The following SLC14A2 variants were observed in gnomAD, a reference collection of about 807,000 sequenced individuals.
The protein encoded by SLC14A2 is urea transporter 2.
In SLC14A2, 91 loss-of-function variants were observed where a neutral mutation model predicts 104.6. The observed-to-expected ratio is 0.87, with a 90% CI of 0.73 to 1.04. The LOEUF is 1.04. Ranked by LOEUF, SLC14A2 falls within the 50% of genes least tolerant of loss-of-function variation. The pLI is 0.00. For synonymous variants in SLC14A2, 476 were observed against 466.4 expected, an observed-to-expected ratio of 1.02 and a Z score of -0.27; for missense variants, 1,189 against 1,156.0, an observed-to-expected ratio of 1.03 and a Z score of -0.41.
chr18:45,584,098 T>A (rs564232238), intron 2 of SLC14A2, among the ~76,000 whole-genome samples: 2 of 152,364 alleles, frequency 1.3e-5, no homozygotes, highest in African/African-American at 4.8e-5. Flanking sequence ...AACTTGAACT[T>A]GCTGTATTTG....
chr18:45,261,337 A>AT (rs757616677), intron 1 of SLC14A2, among the ~76,000 whole-genome samples: 17 of 151,928 alleles, frequency 1.1e-4, no homozygotes, highest in Non-Finnish European at 1.9e-4. Flanking sequence ...TACAAAGGAC[A>AT]TGAACTCATT....
intron 1 of SLC14A2, among the ~76,000 whole-genome samples, chr18:45,355,179 GGA>G (rs1232638925): frequency 6.6e-6 from 1 of 152,098 alleles, no homozygotes; most frequent in African/African-American, 2.4e-5. Flanking sequence ...CCTTTCGCAA[GGA>G]GACAATGTAT....
At chr18:45,552,453 C>T (rs1003033769) in intron 2 of SLC14A2, among the ~76,000 whole-genome samples, 7 of 151,902 alleles carry the variant, frequency 4.6e-5, no homozygotes, top group African/African-American at 1.5e-4. Flanking sequence ...CCCGTGTCCT[C>T]AAGCTGGGAC....
chr18:45,673,133 T>A, intron 17 of SLC14A2, 86 bp downstream of exon 17: 2 of 1,282,008 alleles, frequency 1.6e-6, no homozygotes, highest in Non-Finnish European at 2.2e-6. Context: ...TCTTCAACAC[T>A]CCACCTGCTG....
upstream of SLC14A2, among the ~76,000 whole-genome samples, chr18:45,610,583 G>A (rs2044956898): frequency 6.6e-6 from 1 of 152,174 alleles, no homozygotes. Context: ...GGAAGGGGAA[G>A]GCATTCTAGA....
intron 1 of SLC14A2, among the ~76,000 whole-genome samples, chr18:45,292,912 C>T (rs974555921): frequency 2.6e-5 from 4 of 151,906 alleles, no homozygotes; most frequent in Non-Finnish European, 5.9e-5. Context: ...CCTTAATGAT[C>T]TTCAAGATGA....
intron 1 of SLC14A2, among the ~76,000 whole-genome samples, chr18:45,246,422 A>C (rs2144063465): frequency 6.6e-6 from 1 of 152,330 alleles, no homozygotes; most frequent in Non-Finnish European, 1.5e-5. Flanking sequence ...AGGTAATAAA[A>C]AACTTACAAT....
intron 1 of SLC14A2, among the ~76,000 whole-genome samples, chr18:45,343,597 C>T (rs540042730): frequency 6.6e-6 from 1 of 152,200 alleles, no homozygotes; most frequent in South Asian, 2.1e-4. Flanking sequence ...CCCAGTTTCT[C>T]AATTTTCATG....
intron 1 of SLC14A2, chr18:45,447,494 A>G (rs1248188504): frequency 6.6e-6 from 1 of 152,246 alleles, no homozygotes; most frequent in African/African-American, 2.4e-5. Flanking sequence ...TATGACTCCA[A>G]TCTCAAGGGA....
chr18:45,179,762 T>C, the SLC14A2 span: 2 of 149,656 alleles, frequency 1.3e-5, no homozygotes, highest in Admixed American at 1.3e-4. Context: ...ACCATAAAAG[T>C]ACTGTTTTTG....
At chr18:45,450,577 C>A (rs2086841623) in intron 1 of SLC14A2, among the ~76,000 whole-genome samples, 2 of 152,156 alleles carry the variant, frequency 1.3e-5, no homozygotes, top group South Asian at 4.1e-4. Flanking sequence ...GGGTGGGACC[C>A]TTGACCATCA....
At chr18:45,360,851 A>C (rs1203938270) in intron 1 of SLC14A2, among the ~76,000 whole-genome samples, 1 of 152,218 alleles carries the variant, frequency 6.6e-6, no homozygotes, top group Non-Finnish European at 1.5e-5. Context: ...CTGAAGAAGA[A>C]GGGGAGATTT....
chr18:45,594,691 G>T (rs1278502577), intron 2 of SLC14A2, among the ~76,000 whole-genome samples: 1 of 152,118 alleles, frequency 6.6e-6, no homozygotes, highest in African/African-American at 2.4e-5. Context: ...TAAAAATTGG[G>T]ATACTATTTT....
chr18:45,637,346 TC>T (rs2045436823), intron 6 of SLC14A2, among the ~76,000 whole-genome samples, 164 bp downstream of exon 6: 1 of 152,166 alleles, frequency 6.6e-6, no homozygotes, highest in Non-Finnish European at 1.5e-5. Context: ...CATCCATAGA[TC>T]CTTTCAACAG....
intron 2 of SLC14A2, among the ~76,000 whole-genome samples, chr18:45,510,186 G>T (rs994522640): frequency 1.3e-5 from 2 of 152,112 alleles, no homozygotes; most frequent in Non-Finnish European, 2.9e-5. Flanking sequence ...CTTCTTACAG[G>T]TGCTAAATGT....
chr18:45,289,906 G>A (rs1008474608), intron 1 of SLC14A2, among the ~76,000 whole-genome samples: 2 of 152,192 alleles, frequency 1.3e-5, no homozygotes, highest in Non-Finnish European at 2.9e-5. Context: ...TGATAGATGA[G>A]TTGTTTACAC....
chr18:45,408,930 C>T (rs1416860366), intron 1 of SLC14A2, among the ~76,000 whole-genome samples: 1 of 152,186 alleles, frequency 6.6e-6, no homozygotes, highest in Non-Finnish European at 1.5e-5. Flanking sequence ...GAGAGGTGTA[C>T]ATTGAGCACA....
the SLC14A2 span, among the ~76,000 whole-genome samples, chr18:45,199,262 A>AAATTTT: frequency 6.6e-6 from 1 of 152,108 alleles, no homozygotes; most frequent in African/African-American, 2.4e-5. Context: ...TTCTAATCTG[A>AAATTTT]AGGCTCCTGT....
At chr18:45,212,086 G>T (rs564775506), upstream of SLC14A2, among the ~76,000 whole-genome samples, 1 of 152,064 alleles carries the variant, frequency 6.6e-6, no homozygotes, top group African/African-American at 2.4e-5. Flanking sequence ...CTGTGATAGG[G>T]TTATTTAATA....
Sources: gnomAD v4.1 joint callset for allele counts (sites outside exome capture counted in the v4.1 genomes callset) on GRCh38, gnomAD v4.1.1 for gene constraint, MANE v1.5 for transcripts, NCBI Gene and HGNC (gene_info 2026-07-23, HGNC 2026-07-21) for gene names.